The following RETREG1 variants were observed in gnomAD, a reference collection of about 807,000 sequenced individuals.
The protein encoded by RETREG1 is family with sequence similarity 134 member B.
A neutral mutation model predicts 54.8 loss-of-function variants in RETREG1; 44 were observed. The observed-to-expected ratio is 0.80, with a 90% CI of 0.63 to 1.03. RETREG1 has a LOEUF of 1.03. Ranked by LOEUF, RETREG1 falls within the 50% of genes least tolerant of loss-of-function variation. The pLI is 0.00. For missense variants in RETREG1, 554 were observed against 605.1 expected (o/e 0.92, Z 0.89); for synonymous variants, 217 against 238.5 (o/e 0.91, Z 0.83).
intron 3 of RETREG1, among the ~76,000 whole-genome samples, chr5:16,534,855 A>AAAGGTT (rs1485734274): frequency 2.6e-5 from 4 of 152,208 alleles, no homozygotes; most frequent in Non-Finnish European, 4.4e-5. Flanking sequence ...GTAAATAATG[A>AAAGGTT]TCTCTTTAAT....
intron 3 of RETREG1, among the ~76,000 whole-genome samples, chr5:16,523,195 C>T (rs1056850711): frequency 1.1e-4 from 16 of 152,128 alleles, no homozygotes; most frequent in African/African-American, 3.9e-4. Context: ...CCCATCGGTA[C>T]GACACTATGA....
chr5:16,474,941 C>T lies in RETREG1; in HGVS notation c.1294G>A (p.Val432Met). The change falls in exon 9 of 9, where the codon GTG becomes ATG. Residue 432 changes from valine (V) to methionine (M), a missense_variant. Physicochemically the swap from Val to Met is conservative, Grantham distance 21. Around this residue, in one of 4 missense-constraint regions of RETREG1, gnomAD observed 347 missense variants for 412.3 expected, o/e 0.84. Coordinates refer to ENST00000306320, the MANE Select transcript of RETREG1 (RefSeq NM_001034850.3). ...TAAIKDQLEGVQQALSQAAPI... is the reference protein window; with the variant it reads ...TAAIKDQLEGMQQALSQAAPI... ...GCAGCCTGAGAAAGTGCTTGCTGCA[C>T]ACCCTCTAACTGGTCTTTGATAGCT... 1 of 1,613,898 alleles carries T rather than the reference C, an allele frequency of 6.2e-7. No homozygotes were observed. Among genetic ancestry groups the T allele is most frequent in the East Asian group, 2.2e-5 (1 of 44,866 alleles).
At chr5:16,575,333 A>C (rs1279915297) in intron 1 of RETREG1, among the ~76,000 whole-genome samples, 2 of 152,226 alleles carry the variant, frequency 1.3e-5, no homozygotes, top group Non-Finnish European at 2.9e-5. Flanking sequence ...CAAATGTTCG[A>C]ACAGCATGCT....
intron 3 of RETREG1, among the ~76,000 whole-genome samples, chr5:16,514,103 A>G (rs1030796689): frequency 6.6e-5 from 10 of 152,178 alleles, no homozygotes; most frequent in Non-Finnish European, 1.0e-4. Context: ...GCTATTAAGG[A>G]ATTTGTCACT....
chr5:16,532,568 T>C (rs1230300387), intron 3 of RETREG1, among the ~76,000 whole-genome samples: 1 of 152,198 alleles, frequency 6.6e-6, no homozygotes, highest in Non-Finnish European at 1.5e-5. Context: ...ATGTCACTTT[T>C]TATTTTGCCA....
At chr5:16,576,664 T>C (rs1264471538) in intron 1 of RETREG1, among the ~76,000 whole-genome samples, 1 of 152,144 alleles carries the variant, frequency 6.6e-6, no homozygotes. Flanking sequence ...TTTGTATTTT[T>C]AGTAGAGACG....
chr5:16,497,458 G>C (rs956070640), intron 3 of RETREG1, among the ~76,000 whole-genome samples: 12 of 152,220 alleles, frequency 7.9e-5, no homozygotes, highest in African/African-American at 2.9e-4. Context: ...GCTTTCCTCT[G>C]ATCTTAAAAT....
chr5:16,549,422 G>A (rs968971324), intron 3 of RETREG1, among the ~76,000 whole-genome samples: 2 of 152,024 alleles, frequency 1.3e-5, no homozygotes, highest in African/African-American at 2.4e-5. Flanking sequence ...TTATTGAACC[G>A]CTCATATATT....
chr5:16,601,640 C>A (rs1313683340), intron 1 of RETREG1, among the ~76,000 whole-genome samples: 1 of 152,156 alleles, frequency 6.6e-6, no homozygotes, highest in Admixed American at 6.5e-5. Flanking sequence ...AAGTGATCCA[C>A]CCGCCTCAGC....
chr5:16,501,556 T>C (rs1293648299), intron 3 of RETREG1, among the ~76,000 whole-genome samples: 2 of 152,152 alleles, frequency 1.3e-5, no homozygotes, highest in Non-Finnish European at 2.9e-5. Context: ...TATTTATTTA[T>C]TTTTGACACA....
intron 3 of RETREG1, among the ~76,000 whole-genome samples, chr5:16,491,386 T>G (rs574299667): frequency 6.6e-6 from 1 of 152,372 alleles, no homozygotes; most frequent in Non-Finnish European, 1.5e-5. Flanking sequence ...GAAGGAATTC[T>G]TGGACAGTGC....
At chr5:16,484,664 T>G (rs1056092741) in intron 3 of RETREG1, among the ~76,000 whole-genome samples, 1 of 152,200 alleles carries the variant, frequency 6.6e-6, no homozygotes, top group Non-Finnish European at 1.5e-5. Context: ...TTTTGAATAG[T>G]AAGGCAATTT....
intron 3 of RETREG1, among the ~76,000 whole-genome samples, chr5:16,489,082 CAAAAAAAAAAAAAAAA>C (rs567475517): frequency 7.0e-4 from 44 of 62,974 alleles, no homozygotes; most frequent in Admixed American, 5.5e-3. Flanking sequence ...GATTCTGTCT[CAAAAAAAAAAAAAAAA>C]AAAAAAAAAA....
At chr5:16,510,840 A>C (rs1740152575) in intron 3 of RETREG1, among the ~76,000 whole-genome samples, 1 of 151,204 alleles carries the variant, frequency 6.6e-6, no homozygotes, top group East Asian at 1.9e-4. Context: ...AAAAAAAAAA[A>C]AACCTAATCA....
At chr5:16,599,669 G>A (rs1306521495) in intron 1 of RETREG1, among the ~76,000 whole-genome samples, 2 of 152,190 alleles carry the variant, frequency 1.3e-5, no homozygotes, top group Non-Finnish European at 2.9e-5. Context: ...TCTCTGCTCT[G>A]CTGGAAGCAG....
At chr5:16,580,397 A>G (rs1299664103) in intron 1 of RETREG1, among the ~76,000 whole-genome samples, 1 of 152,242 alleles carries the variant, frequency 6.6e-6, no homozygotes, top group Non-Finnish European at 1.5e-5. Flanking sequence ...CGCCTCCAGC[A>G]TTCTGAAGGG....
chr5:16,498,263 A>T (rs1739551523), intron 3 of RETREG1, among the ~76,000 whole-genome samples: 2 of 152,344 alleles, frequency 1.3e-5, no homozygotes, highest in South Asian at 4.1e-4. Context: ...ATAGTCTACT[A>T]CGTACCGAGG....
At chr5:16,525,844 G>A (rs1046171532) in intron 3 of RETREG1, among the ~76,000 whole-genome samples, 17 of 152,046 alleles carry the variant, frequency 1.1e-4, no homozygotes, top group African/African-American at 3.1e-4. Context: ...GTAGGCCAAC[G>A]GGCTGAAAAT....
At chr5:16,603,532 G>C (rs1184593268) in intron 1 of RETREG1, among the ~76,000 whole-genome samples, 3 of 152,160 alleles carry the variant, frequency 2.0e-5, no homozygotes, top group Non-Finnish European at 2.9e-5. Context: ...GATGCAGGGG[G>C]TCACAGTCCT....
Sources: gnomAD v4.1 joint callset for allele counts (sites outside exome capture counted in the v4.1 genomes callset) on GRCh38, gnomAD v4.1.1 for gene constraint, gnomAD v4.1.1 regional missense constraint, MANE v1.5 for transcripts, NCBI Gene and HGNC (gene_info 2026-07-23, HGNC 2026-07-21) for gene names.